Variants in WWOX observed in about 807,000 individuals in gnomAD.
WWOX encodes the protein WW domain-containing oxidoreductase.
A neutral mutation model predicts 46.2 loss-of-function variants in WWOX; 69 were observed. That is an observed-to-expected ratio of 1.49 (90% confidence interval 1.23 to 1.82). WWOX has a LOEUF of 1.82. WWOX is among the 40% of genes most tolerant of loss of function. WWOX has a pLI of 0.00. For missense variants in WWOX, 919 were observed against 542.6 expected (o/e 1.69, Z -6.89); for synonymous variants, 359 against 202.6 (o/e 1.77, Z -6.56).
Position 79,013,024 on chromosome 16 carries a change from G to A in WWOX, c.1057-198584G>A, listed in dbSNP as rs947277260. On this transcript the variant is annotated intron_variant, in intron 8 of 8. Transcript: ENST00000566780. ...TTGGAGGTTGCAGTGAGCTGAGATC[G>A]TGCCACTGCATGTCAGCCTGAGCAA... Among the ~76,000 whole-genome samples the A allele has an allele frequency of 5.3e-5, 8 of 152,168 alleles. No individual in the cohort carries two copies. The East Asian group carries it at 7.7e-4, about 15-fold the overall frequency.
At chr16:78,441,353 G>C (rs942890679) in intron 8 of WWOX, among the ~76,000 whole-genome samples, 5 of 152,166 alleles carry the variant, frequency 3.3e-5, no homozygotes, top group Non-Finnish European at 5.9e-5. Flanking sequence ...AAGATGACCA[G>C]GTGCTGAATC....
chr16:78,471,177 T>G (rs1164967247), intron 8 of WWOX, among the ~76,000 whole-genome samples: 1 of 152,178 alleles, frequency 6.6e-6, no homozygotes, highest in Non-Finnish European at 1.5e-5. Flanking sequence ...TGCAGAACAC[T>G]GACCAATGTT....
intron 8 of WWOX, among the ~76,000 whole-genome samples, chr16:78,514,722 A>G (rs2085447321): frequency 6.6e-6 from 1 of 152,242 alleles, no homozygotes; most frequent in Admixed American, 6.5e-5. Flanking sequence ...AACAGTATGT[A>G]CAGGGTGGTT....
At chr16:78,550,398 A>G (rs2044145927) in intron 8 of WWOX, among the ~76,000 whole-genome samples, 1 of 152,212 alleles carries the variant, frequency 6.6e-6, no homozygotes, top group Non-Finnish European at 1.5e-5. Context: ...TCTATAAGCC[A>G]ATGGGCATGG....
At chr16:78,820,034 C>T (rs560231301) in intron 8 of WWOX, among the ~76,000 whole-genome samples, 1 of 152,170 alleles carries the variant, frequency 6.6e-6, no homozygotes. Context: ...TAAAATAACT[C>T]TGGCATTGTT....
At chr16:78,321,946 C>G (rs748877805) in intron 5 of WWOX, among the ~76,000 whole-genome samples, 6 of 152,146 alleles carry the variant, frequency 3.9e-5, no homozygotes, top group Non-Finnish European at 7.3e-5. Context: ...TTGTTTAACA[C>G]CTGCATAAGT....
At chr16:78,708,315 A>T (rs1335688848) in intron 8 of WWOX, among the ~76,000 whole-genome samples, 1 of 152,208 alleles carries the variant, frequency 6.6e-6, no homozygotes, top group Admixed American at 6.5e-5. Flanking sequence ...TCTTTGGGAT[A>T]TACTTCTAAG....
At chr16:78,157,446 A>G (rs749622237) in intron 4 of WWOX, among the ~76,000 whole-genome samples, 6 of 152,138 alleles carry the variant, frequency 3.9e-5, no homozygotes, top group Non-Finnish European at 7.4e-5. Flanking sequence ...TAAATTTGAG[A>G]TTATTGTCGT....
intron 5 of WWOX, among the ~76,000 whole-genome samples, chr16:78,165,017 A>C (rs2034925931): frequency 6.6e-6 from 1 of 152,216 alleles, no homozygotes; most frequent in Non-Finnish European, 1.5e-5. Context: ...TGAGAAGAGC[A>C]TATGCTAAGG....
At chr16:79,188,196 A>T (rs1043221521) in intron 8 of WWOX, among the ~76,000 whole-genome samples, 3 of 152,180 alleles carry the variant, frequency 2.0e-5, no homozygotes, top group African/African-American at 7.2e-5. Context: ...GAGAAGGGAC[A>T]AGGTGGGAGG....
intron 8 of WWOX, among the ~76,000 whole-genome samples, chr16:78,482,045 A>G (rs188198849): frequency 2.0e-5 from 3 of 152,226 alleles, no homozygotes; most frequent in African/African-American, 7.2e-5. Context: ...TTTCTAAAGA[A>G]TAACTTAGAA....
At chr16:79,026,729 T>C (rs2047650846) in intron 8 of WWOX, among the ~76,000 whole-genome samples, 1 of 147,706 alleles carries the variant, frequency 6.8e-6, no homozygotes, top group East Asian at 2.1e-4. Context: ...ACCATTTTCC[T>C]GCCTCAGCGT....
At chr16:78,906,523 C>T (rs372981711) in intron 8 of WWOX, among the ~76,000 whole-genome samples, 47 of 152,190 alleles carry the variant, frequency 3.1e-4, no homozygotes, top group South Asian at 1.7e-3. Flanking sequence ...AATCAGGCCA[C>T]GATTGCAGGG....
chr16:78,522,402 G>A (rs775675654), intron 8 of WWOX, among the ~76,000 whole-genome samples: 3 of 152,110 alleles, frequency 2.0e-5, no homozygotes, highest in Non-Finnish European at 4.4e-5. Flanking sequence ...CTGTGTACAC[G>A]GTTCTGGAAG....
intron 8 of WWOX, among the ~76,000 whole-genome samples, chr16:78,470,000 G>A (rs949848829): frequency 1.3e-5 from 2 of 152,216 alleles, no homozygotes; most frequent in African/African-American, 2.4e-5. Context: ...AAATAAGCAC[G>A]CCTGTGCACA....
At chr16:78,720,680 C>T (rs1327177890) in intron 8 of WWOX, among the ~76,000 whole-genome samples, 1 of 151,986 alleles carries the variant, frequency 6.6e-6, no homozygotes, top group Non-Finnish European at 1.5e-5. Context: ...TAACAGAAAA[C>T]ACCCGAGTTT....
chr16:78,920,435 A>G (rs990505812), intron 8 of WWOX, among the ~76,000 whole-genome samples: 1 of 152,132 alleles, frequency 6.6e-6, no homozygotes, highest in Non-Finnish European at 1.5e-5. Context: ...GGTCCCAGCC[A>G]CCTATGGTTC....
chr16:78,459,819 T>G (rs2083907978), intron 8 of WWOX, among the ~76,000 whole-genome samples: 1 of 152,026 alleles, frequency 6.6e-6, no homozygotes, highest in Non-Finnish European at 1.5e-5. Context: ...TAATTCTTTT[T>G]GAGACAGGGT....
intron 8 of WWOX, among the ~76,000 whole-genome samples, chr16:79,073,522 A>G (rs2048591530): frequency 6.6e-6 from 1 of 152,056 alleles, no homozygotes; most frequent in Non-Finnish European, 1.5e-5. Flanking sequence ...TTAGGTGGAG[A>G]TTTGAGTTTA....
Sources: gnomAD v4.1 joint callset for allele counts (sites outside exome capture counted in the v4.1 genomes callset) on GRCh38, gnomAD v4.1.1 for gene constraint, MANE v1.5 for transcripts, NCBI Gene and HGNC (gene_info 2026-07-23, HGNC 2026-07-21) for gene names.